The following WDFY2 variants were observed in gnomAD, a reference collection of about 807,000 sequenced individuals.
WDFY2 encodes WD repeat and FYVE domain-containing protein 2.
WDFY2 carries 36 observed loss-of-function variants against 56.4 expected under a neutral mutation model. The ratio of observed to expected loss-of-function variants is 0.64; its 90% CI spans 0.49 to 0.84. WDFY2 has a LOEUF of 0.84. Ranked by LOEUF, WDFY2 falls within the 40% of genes least tolerant of loss-of-function variation. The pLI is 0.00. For missense variants in WDFY2, 444 were observed against 512.2 expected (o/e 0.87, Z 1.29); for synonymous variants, 176 against 183.7 (o/e 0.96, Z 0.34).
intron 3 of WDFY2, among the ~76,000 whole-genome samples, chr13:51,696,804 A>G (rs566898023): frequency 1.6e-4 from 25 of 152,246 alleles, no homozygotes; most frequent in Non-Finnish European, 3.2e-4. Flanking sequence ...GCTTAAAAGA[A>G]TGGAAGTCAT....
intron 3 of WDFY2, among the ~76,000 whole-genome samples, chr13:51,680,996 G>A (rs571251169): frequency 6.6e-6 from 1 of 152,164 alleles, no homozygotes; most frequent in Non-Finnish European, 1.5e-5. Flanking sequence ...GTGTTGGGTT[G>A]GGGGCAGGAA....
intron 3 of WDFY2, among the ~76,000 whole-genome samples, chr13:51,682,129 G>C (rs1290050799): frequency 6.6e-6 from 1 of 152,166 alleles, no homozygotes; most frequent in Non-Finnish European, 1.5e-5. Flanking sequence ...TCTGTGTTTT[G>C]AATTAGGTAC....
chr13:51,710,971 G>A lies in WDFY2; in HGVS notation c.334+7321G>A, dbSNP rs1475832810. The stretch of plus-strand genomic sequence containing the variant: ...TTCATATGGAACCAAAAAAGAGCCC[G>A]CATTGCCAAGACAATCCTAAGCCAA... On this transcript the variant is annotated intron_variant, in intron 4 of 11. Coordinates refer to ENST00000298125, the MANE Select transcript of WDFY2 (RefSeq NM_052950.4). Among the ~76,000 whole-genome samples the A allele has an allele frequency of 3.9e-5, 6 of 152,080 alleles. No homozygotes were observed. In the East Asian group the frequency reaches 5.8e-4, roughly 15 times the overall value.
chr13:51,641,504 T>C (rs936616397), intron 1 of WDFY2, among the ~76,000 whole-genome samples: 5 of 152,104 alleles, frequency 3.3e-5, no homozygotes, highest in Admixed American at 6.5e-5. Context: ...TCCTCTTTTC[T>C]CTGAAGAGGT....
intron 1 of WDFY2, among the ~76,000 whole-genome samples, chr13:51,636,940 T>C (rs966270521): frequency 1.3e-5 from 2 of 152,186 alleles, no homozygotes; most frequent in Non-Finnish European, 2.9e-5. Context: ...CAAAAATGAA[T>C]ACAAAGCAGA....
intron 1 of WDFY2, among the ~76,000 whole-genome samples, chr13:51,626,593 G>A (rs1954839258): frequency 6.6e-6 from 1 of 152,122 alleles, no homozygotes; most frequent in Non-Finnish European, 1.5e-5. Context: ...TTAACAAGTT[G>A]TGTGATTAGT....
In WDFY2 at chr13:51,659,425, G is replaced by A. The variant is rs1457473083; in HGVS notation, c.138-1171G>A. ...TTAAGAGTGTGGGGTGAGGTGTGTGGCCTATGATCCCCTGGCAGTGGGACA... is the reference window on the plus strand; with the variant it reads ...TTAAGAGTGTGGGGTGAGGTGTGTGACCTATGATCCCCTGGCAGTGGGACA... On this transcript the variant is annotated intron_variant, in intron 1 of 11. Coordinates refer to ENST00000298125, the MANE Select transcript of WDFY2 (RefSeq NM_052950.4). 1.3e-5 allele frequency among the ~76,000 whole-genome samples: 2 copies of A among 152,024 alleles called. 1 individual carries two copies. The highest frequency in any genetic ancestry group is 4.1e-4 in the South Asian group (2 of 4,820).
intron 3 of WDFY2, among the ~76,000 whole-genome samples, chr13:51,694,389 A>C (rs1951816802): frequency 2.0e-5 from 3 of 152,118 alleles, no homozygotes; most frequent in African/African-American, 7.2e-5. Flanking sequence ...GTGGTGACAA[A>C]ATCTCTCAGC....
chr13:51,719,041 C>T (rs1363384722), intron 4 of WDFY2, among the ~76,000 whole-genome samples, 157 bp from the exon 5 acceptor site: 1 of 152,162 alleles, frequency 6.6e-6, no homozygotes, highest in East Asian at 1.9e-4. Context: ...TACCCCCAAC[C>T]CCCACGAGAA....
chr13:51,602,981 A>G (rs1171462664), intron 1 of WDFY2, among the ~76,000 whole-genome samples: 2 of 152,110 alleles, frequency 1.3e-5, no homozygotes, highest in African/African-American at 4.8e-5. Flanking sequence ...TGCTTGGAAC[A>G]TGTTTCCAGA....
chr13:51,732,093 C>T (rs778212422), intron 6 of WDFY2, among the ~76,000 whole-genome samples: 4 of 152,102 alleles, frequency 2.6e-5, no homozygotes, highest in Non-Finnish European at 4.4e-5. Context: ...GAATGTATTT[C>T]TATGAAAAAG....
At chr13:51,688,376 A>G (rs1956096399) in intron 3 of WDFY2, among the ~76,000 whole-genome samples, 1 of 152,100 alleles carries the variant, frequency 6.6e-6, no homozygotes, top group African/African-American at 2.4e-5. Flanking sequence ...GCTCATAGAG[A>G]TTCAATGAAA....
chr13:51,600,483 T>TCTTAGTCCACATGGCATAA (rs1954252692), intron 1 of WDFY2, among the ~76,000 whole-genome samples: 1 of 152,232 alleles, frequency 6.6e-6, no homozygotes, highest in Admixed American at 6.5e-5. Context: ...TCTGTTTCTT[T>TCTTAGTCCACATGGCATAA]CTTAGTCCAC....
chr13:51,621,902 T>A (rs1954734890), intron 1 of WDFY2, among the ~76,000 whole-genome samples: 1 of 152,196 alleles, frequency 6.6e-6, no homozygotes, highest in Non-Finnish European at 1.5e-5. Context: ...GCAGTGGGAC[T>A]TTCTGTCTTT....
chr13:51,660,687 G>T lies in WDFY2; in HGVS notation c.205+24G>T, dbSNP rs1242969426. 3.7e-6 allele frequency: 6 copies of T among 1,608,810 alleles called. No homozygotes were observed. The South Asian group carries it at 6.6e-5, about 18-fold the overall frequency. The stretch of plus-strand genomic sequence containing the variant: ...TTGTAAGTATCCAAATCGCTGTCTT[G>T]AAAAACCAGACATGTCCTTCCCAGA... On this transcript the variant is annotated intron_variant, in intron 2 of 11. Transcript: ENST00000298125.
chr13:51,640,917 G>A (rs1010079606), intron 1 of WDFY2, among the ~76,000 whole-genome samples: 4 of 151,838 alleles, frequency 2.6e-5, no homozygotes, highest in Admixed American at 6.5e-5. Context: ...TTTGCTCACT[G>A]GGATGATTCA....
At chr13:51,639,038 T>C (rs1242123917) in intron 1 of WDFY2, among the ~76,000 whole-genome samples, 1 of 152,222 alleles carries the variant, frequency 6.6e-6, no homozygotes, top group Non-Finnish European at 1.5e-5. Context: ...TCTCTGTGCA[T>C]TTAATGAGTT....
intron 5 of WDFY2, 140 bp from the exon 6 acceptor site, chr13:51,727,538 C>T: frequency 1.4e-6 from 1 of 700,302 alleles, no homozygotes. Flanking sequence ...TAGTTAAGTT[C>T]ACTTTTGTGT....
intron 3 of WDFY2, among the ~76,000 whole-genome samples, chr13:51,688,305 G>T (rs1250592065): frequency 6.6e-6 from 1 of 152,156 alleles, no homozygotes; most frequent in Non-Finnish European, 1.5e-5. Flanking sequence ...GTAATGCGTT[G>T]TCACCTGGAT....
Sources: allele counts gnomAD v4.1 joint callset (sites outside exome capture counted in the v4.1 genomes callset), GRCh38; gene constraint gnomAD v4.1.1; transcripts MANE v1.5; gene names NCBI Gene and HGNC (gene_info 2026-07-23, HGNC 2026-07-21).